Variants in ANK2 observed in about 807,000 individuals in gnomAD.
ANK2 encodes the protein ankyrin 2, also known as ankyrin-2.
A neutral mutation model predicts 360.5 loss-of-function variants in ANK2; 83 were observed. That is an observed-to-expected ratio of 0.23 (90% CI 0.19 to 0.28). The LOEUF (loss-of-function observed/expected upper bound fraction) is 0.28, where lower values mean the gene tolerates loss of function less well. ANK2 is among the 10% of genes least tolerant of loss of function. The pLI, the probability that ANK2 is intolerant of heterozygous loss-of-function variation, is 1.00. For synonymous variants in ANK2, 1,740 were observed against 1,759.5 expected (o/e 0.99, Z 0.28); for missense variants, 4,201 against 4,795.7 (o/e 0.88, Z 3.66).
intron 2 of ANK2, among the ~76,000 whole-genome samples, chr4:112,954,229 C>CCCTTCCTTCCTTCCTTCCTTGCTT (rs2095220938): frequency 7.1e-6 from 1 of 141,374 alleles, no homozygotes; most frequent in African/African-American, 2.8e-5. Flanking sequence ...CTCCCTCCCT[C>CCCTTCCTTCCTTCCTTCCTTGCTT]CCTTCCTTCC....
intron 1 of ANK2, among the ~76,000 whole-genome samples, chr4:113,169,271 C>A (rs2097859046): frequency 6.6e-6 from 1 of 152,110 alleles, no homozygotes; most frequent in African/African-American, 2.4e-5. Flanking sequence ...CAAGATCGGA[C>A]AAGTCACAAT....
At chr4:113,021,086 T>C (rs549555176) in intron 2 of ANK2, among the ~76,000 whole-genome samples, 1 of 152,324 alleles carries the variant, frequency 6.6e-6, no homozygotes, top group Admixed American at 6.5e-5. Context: ...AGTTCATGGC[T>C]TCTTGCCTGG....
intron 1 of ANK2, among the ~76,000 whole-genome samples, chr4:113,160,905 G>A (rs556059341): frequency 8.0e-4 from 122 of 152,300 alleles, no homozygotes; most frequent in Non-Finnish European, 1.7e-3. Flanking sequence ...ATTTAAGGCA[G>A]GGTTCTGAAG....
chr4:113,036,977 T>A (rs1463521949), intron 2 of ANK2, among the ~76,000 whole-genome samples: 1 of 152,014 alleles, frequency 6.6e-6, no homozygotes, highest in Non-Finnish European at 1.5e-5. Context: ...GGCATCCATC[T>A]AGCCTGTACA....
the ANK2 span, among the ~76,000 whole-genome samples, chr4:112,754,707 C>T: frequency 6.6e-6 from 1 of 152,200 alleles, no homozygotes; most frequent in African/African-American, 2.4e-5. Flanking sequence ...TCCCTGTTCC[C>T]CCATCTCCAG....
intron 11 of ANK2, among the ~76,000 whole-genome samples, chr4:113,257,834 A>C (rs1210868265): frequency 6.6e-6 from 1 of 152,228 alleles, no homozygotes; most frequent in Non-Finnish European, 1.5e-5. Flanking sequence ...GTAACCACAC[A>C]AACAGAATTA....
intron 2 of ANK2, among the ~76,000 whole-genome samples, chr4:112,972,903 G>T (rs975800920): frequency 6.6e-6 from 1 of 152,132 alleles, no homozygotes; most frequent in Non-Finnish European, 1.5e-5. Context: ...ATTATTCTAA[G>T]TGAAGCCATT....
chr4:112,917,307 C>T (rs926320193), intron 2 of ANK2, among the ~76,000 whole-genome samples: 1 of 152,200 alleles, frequency 6.6e-6, no homozygotes, highest in East Asian at 1.9e-4. Flanking sequence ...ATTCTACAAA[C>T]TTTTAATGCT....
intron 2 of ANK2, among the ~76,000 whole-genome samples, chr4:113,001,139 T>C (rs1330515194): frequency 6.6e-6 from 1 of 152,032 alleles, no homozygotes; most frequent in African/African-American, 2.4e-5. Flanking sequence ...TGAGACCAGC[T>C]TGGCCAATTG....
intron 1 of ANK2, among the ~76,000 whole-genome samples, chr4:112,840,658 G>A (rs546062244): frequency 6.6e-6 from 1 of 152,172 alleles, no homozygotes; most frequent in Non-Finnish European, 1.5e-5. Flanking sequence ...AAAACAATAA[G>A]AGTTAACACA....
chr4:113,093,023 T>C (rs1003070876), intron 1 of ANK2, among the ~76,000 whole-genome samples: 3 of 152,236 alleles, frequency 2.0e-5, no homozygotes, highest in Non-Finnish European at 4.4e-5. Flanking sequence ...CCCAATTCTT[T>C]TGACCTTGAG....
intron 43 of ANK2, among the ~76,000 whole-genome samples, chr4:113,372,277 G>A (rs185233905): frequency 1.3e-5 from 2 of 152,152 alleles, no homozygotes; most frequent in East Asian, 3.9e-4. Flanking sequence ...GAGAGATTTT[G>A]ACAGATGGGT....
At chr4:112,880,074 T>TCA (rs386401176) in intron 1 of ANK2, among the ~76,000 whole-genome samples, 99 of 150,378 alleles carry the variant, frequency 6.6e-4, no homozygotes, top group South Asian at 2.1e-3. Context: ...TCTCTCTCTC[T>TCA]CACACACACA....
At chr4:112,833,766 G>A (rs995225303) in intron 1 of ANK2, among the ~76,000 whole-genome samples, 44 of 152,306 alleles carry the variant, frequency 2.9e-4, no homozygotes, top group African/African-American at 9.9e-4. Flanking sequence ...GCCTTCCAAA[G>A]TGCTGGGATT....
intron 1 of ANK2, among the ~76,000 whole-genome samples, chr4:112,822,688 G>A (rs968377157): frequency 1.1e-4 from 17 of 151,504 alleles, no homozygotes; most frequent in Admixed American, 3.3e-4. Flanking sequence ...GGAGGTTGCA[G>A]TGAGCAAAGA....
chr4:113,204,379 C>CT (rs2098912619), intron 4 of ANK2, among the ~76,000 whole-genome samples: 1 of 151,972 alleles, frequency 6.6e-6, no homozygotes, highest in African/African-American at 2.4e-5. Flanking sequence ...GAAAATATGA[C>CT]TTTTTTATAG....
intron 20 of ANK2, among the ~76,000 whole-genome samples, chr4:113,289,151 C>A (rs1201383996): frequency 6.7e-6 from 1 of 149,898 alleles, no homozygotes. Flanking sequence ...GCTCCAAGTT[C>A]TTTGATCCAA....
intron 22 of ANK2, among the ~76,000 whole-genome samples, chr4:113,302,382 C>A (rs2075421340): frequency 6.6e-6 from 1 of 152,170 alleles, no homozygotes; most frequent in East Asian, 1.9e-4. Flanking sequence ...TAATACATTG[C>A]ATATGTTCAT....
At chr4:113,032,173 A>C (rs2060560622) in intron 2 of ANK2, among the ~76,000 whole-genome samples, 1 of 152,130 alleles carries the variant, frequency 6.6e-6, no homozygotes, top group Non-Finnish European at 1.5e-5. Flanking sequence ...CACTGTTTGA[A>C]AAATATATGC....
Sources: allele counts gnomAD v4.1 joint callset (sites outside exome capture counted in the v4.1 genomes callset), GRCh38; gene constraint gnomAD v4.1.1; transcripts MANE v1.5; gene names NCBI Gene and HGNC (gene_info 2026-07-23, HGNC 2026-07-21).